KIF26B: variants seen among roughly 807,000 people sequenced by gnomAD.
KIF26B encodes kinesin family member 26B.
A neutral mutation model predicts 151.2 loss-of-function variants in KIF26B; 63 were observed. That is an observed-to-expected ratio of 0.42 (90% CI 0.34 to 0.51). The LOEUF is 0.51. Among genes scored for constraint, KIF26B ranks in the 20% least tolerant of loss-of-function variants. KIF26B has a pLI of 0.07. For missense variants in KIF26B, 2,813 were observed against 2,913.6 expected (o/e 0.97, Z 0.79); for synonymous variants, 1,357 against 1,262.1 (o/e 1.08, Z -1.59).
intron 3 of KIF26B, among the ~76,000 whole-genome samples, chr1:245,412,079 G>A (rs592594): frequency 0.49 from 74,577 of 152,048 alleles, 18,883 homozygotes; most frequent in South Asian, 0.64. Context: ...GAGCATAACG[G>A]CTGACAGCAT....
intron 4 of KIF26B, among the ~76,000 whole-genome samples, chr1:245,475,179 A>T (rs1660008091): frequency 2.0e-5 from 3 of 151,788 alleles, no homozygotes; most frequent in Admixed American, 2.0e-4. Flanking sequence ...GCACTGGAGC[A>T]CCCATCTGCT....
intron 3 of KIF26B, among the ~76,000 whole-genome samples, chr1:245,417,519 CAATT>C (rs1225072013): frequency 6.6e-6 from 1 of 152,174 alleles, no homozygotes; most frequent in Admixed American, 6.5e-5. Flanking sequence ...TTTTTAAAAA[CAATT>C]GATGATTGAA....
chr1:245,258,985 G>A (rs1054458494), intron 2 of KIF26B, among the ~76,000 whole-genome samples: 4 of 152,142 alleles, frequency 2.6e-5, no homozygotes, highest in Admixed American at 6.5e-5. Context: ...CCCTCGCTTC[G>A]TGCAACATGT....
intron 2 of KIF26B, among the ~76,000 whole-genome samples, chr1:245,185,526 A>G (rs10924112): frequency 0.76 from 115,246 of 152,094 alleles, 44,652 homozygotes; most frequent in East Asian, 0.9. Context: ...TCATTACCCC[A>G]AAAGTCAGCT....
Position 245,166,542 on chromosome 1 carries a change from G to A in KIF26B, c.465+9859G>A, listed in dbSNP as rs1668617477. 6.6e-6 allele frequency among the ~76,000 whole-genome samples: 1 copy of A among 152,116 alleles called. No individual in the cohort carries two copies. Among genetic ancestry groups the A allele is most frequent in the Non-Finnish European group, 1.5e-5 (1 of 68,036 alleles). ...AGATGGAAATCCCTTCTTTAAGCCC[G>A]GCCCCTCTCGTAGCCCCTCCAGGGA... On this transcript the variant is annotated intron_variant, in intron 2 of 14. Transcript: ENST00000407071. This position sits in a 1 kb window ranked among gnomAD's most constrained non-coding sequence, Gnocchi z 4.5.
At chr1:245,214,282 T>C (rs1018337775) in intron 2 of KIF26B, 5 of 151,548 alleles carry the variant, frequency 3.3e-5, no homozygotes, top group African/African-American at 9.7e-5. Context: ...GAGGTTGAGG[T>C]GGAAGGATTG....
At chr1:245,400,314 C>T (rs1673964412) in intron 3 of KIF26B, among the ~76,000 whole-genome samples, 1 of 152,156 alleles carries the variant, frequency 6.6e-6, no homozygotes, top group Non-Finnish European at 1.5e-5. Context: ...TTATCCTTTT[C>T]ACCTGATTTA....
In KIF26B at chr1:245,358,402, C is replaced by T. The variant is rs190393726; in HGVS notation, c.466-8432C>T. Among the ~76,000 whole-genome samples the T allele has an allele frequency of 3.7e-3, 565 of 152,232 alleles. 1 individual carries two copies. Among genetic ancestry groups the T allele is most frequent in the African/African-American group, 0.012 (518 of 41,552 alleles). On this transcript the variant is annotated intron_variant, in intron 2 of 14. Transcript: ENST00000407071. This position sits in a 1 kb window ranked among gnomAD's most constrained non-coding sequence, Gnocchi z 4.1. ...AGGCGTGGTGATGGGTGCCTGTAGT[C>T]CCAGCTACTCGGGAGGCTGAGGCAG...
At chr1:245,520,273 T>C (rs1311185098) in intron 4 of KIF26B, among the ~76,000 whole-genome samples, 2 of 152,202 alleles carry the variant, frequency 1.3e-5, no homozygotes, top group East Asian at 3.9e-4. Context: ...CTTTAACTCA[T>C]AGAGAACACA....
intron 2 of KIF26B, among the ~76,000 whole-genome samples, chr1:245,255,294 C>G (rs1341184591): frequency 6.6e-6 from 1 of 152,222 alleles, no homozygotes; most frequent in Non-Finnish European, 1.5e-5. Context: ...AGCAGCGCAA[C>G]ATGGGCCAAC....
intron 3 of KIF26B, among the ~76,000 whole-genome samples, chr1:245,402,391 C>G (rs889695287): frequency 6.6e-6 from 1 of 152,188 alleles, no homozygotes; most frequent in Non-Finnish European, 1.5e-5. Context: ...ACAGAGCCCA[C>G]GCCTCTCATT....
At position 245,686,693 on chromosome 1, in the gene KIF26B, A is replaced by G. The variant is rs2147955336; in HGVS notation, c.3710A>G (p.Glu1237Gly). 1 of 1,612,992 alleles carries G rather than the reference A, an allele frequency of 6.2e-7. No homozygotes were observed. The highest frequency in any genetic ancestry group is 8.5e-7 in the Non-Finnish European group (1 of 1,179,556). ...RPVSIISSISEDLECYSSTAP... is the reference protein window; with the variant it reads ...RPVSIISSISGDLECYSSTAP... ...GTCAGCATCATCAGCAGCATCAGCG[A>G]GGACCTGGAGTGCTACTCCAGCACG... The change falls in exon 12 of 15, where the codon GAG becomes GGG. Residue 1237 changes from glutamate (E) to glycine (G), a missense_variant. Around this residue, in one of 3 missense-constraint regions of KIF26B, gnomAD observed 2,060 missense variants for 2,088.6 expected, o/e 0.99. Transcript: ENST00000407071. The surrounding 1 kb of genome is among the most constrained non-coding windows in gnomAD (Gnocchi z 5.6).
At chr1:245,585,828 G>C (rs2043218474) in intron 5 of KIF26B, among the ~76,000 whole-genome samples, 1 of 152,124 alleles carries the variant, frequency 6.6e-6, no homozygotes, top group Non-Finnish European at 1.5e-5. Flanking sequence ...TCACATGGCT[G>C]CTACTAGCAT....
chr1:245,287,694 G>T (rs1431053968), intron 2 of KIF26B, among the ~76,000 whole-genome samples: 1 of 151,796 alleles, frequency 6.6e-6, no homozygotes, highest in African/African-American at 2.4e-5. Flanking sequence ...TTAGAGACGG[G>T]ATTTCTCCAT....
intron 9 of KIF26B, among the ~76,000 whole-genome samples, chr1:245,622,564 C>T (rs1019386190): frequency 2.0e-5 from 3 of 152,222 alleles, no homozygotes; most frequent in Non-Finnish European, 2.9e-5. Flanking sequence ...GGGTCCCACA[C>T]GCTCTGCTCG....
In KIF26B at chr1:245,707,544, ACGTGC is replaced by A. The variant is rs2044858175; in HGVS notation, c.*4944_*4948del. On this transcript the variant is annotated 3_prime_UTR_variant, in exon 15 of 15. Transcript: ENST00000407071. Reference sequence around the variant, plus strand: ...TGCATCACGGTTGGAAATGCTATCCACGTGCCGTGCATCGAGGTGGAGATTTGCTG... The same window carrying A: ...TGCATCACGGTTGGAAATGCTATCCACGTGCATCGAGGTGGAGATTTGCTG... 1 of 152,214 alleles carries A rather than the reference ACGTGC, an allele frequency of 6.6e-6. No individual in the cohort carries two copies. The highest frequency in any genetic ancestry group is 1.5e-5 in the Non-Finnish European group (1 of 68,046). 9.4% of individuals were successfully genotyped at this position (152,214 alleles called of 1,614,324 possible).
At chr1:245,550,152 G>C (rs1661843940) in intron 5 of KIF26B, among the ~76,000 whole-genome samples, 1 of 152,298 alleles carries the variant, frequency 6.6e-6, no homozygotes, top group East Asian at 1.9e-4. Context: ...GTCTGCGTCT[G>C]TGTTCTGTGC....
rs547772639 is a variant in KIF26B at position 245,488,854 on chromosome 1, C to G, written c.1167-51913C>G. On this transcript the variant is annotated intron_variant, in intron 4 of 14. Coordinates refer to ENST00000407071, the MANE Select transcript of KIF26B (RefSeq NM_018012.4). The surrounding 1 kb of genome is among the most constrained non-coding windows in gnomAD (Gnocchi z 4.6). ...CCTTAATAACAGAGGGACCAAGACT[C>G]GATTCTTTATGCCTTAGGCTAGGTT... 2.0e-5 allele frequency among the ~76,000 whole-genome samples: 3 copies of G among 152,236 alleles called. No homozygotes were observed. In the South Asian group the frequency reaches 6.2e-4, roughly 32 times the overall value.
At position 245,441,342 on chromosome 1, in the gene KIF26B, C is replaced by T. The variant is rs181170005; in HGVS notation, c.1166+21597C>T. 8.9e-4 allele frequency among the ~76,000 whole-genome samples: 136 copies of T among 152,256 alleles called. 1 individual carries two copies. Among genetic ancestry groups the T allele is most frequent in the African/African-American group, 3.1e-3 (130 of 41,552 alleles). On this transcript the variant is annotated intron_variant, in intron 4 of 14. Transcript: ENST00000407071. ...GTTTAAAACAAACAAACAACAACAA[C>T]AAAACACACAAAAACAACGGAAGGG...
Sources: allele counts gnomAD v4.1 joint callset (sites outside exome capture counted in the v4.1 genomes callset), GRCh38; gene constraint gnomAD v4.1.1; regional missense constraint gnomAD v4.1.1; non-coding constraint Gnocchi (gnomAD v3.1); transcripts MANE v1.5; gene names NCBI Gene and HGNC (gene_info 2026-07-23, HGNC 2026-07-21).